NOVA1: variants seen among roughly 807,000 people sequenced by gnomAD.
NOVA1 encodes the protein NOVA alternative splicing regulator 1.
NOVA1 carries 7 observed loss-of-function variants against 38.0 expected under a neutral mutation model. The ratio of observed to expected loss-of-function variants is 0.18; its 90% CI spans 0.10 to 0.35. NOVA1 has a LOEUF of 0.35. Among genes scored for constraint, NOVA1 ranks in the 10% least tolerant of loss-of-function variants. NOVA1 has a pLI of 1.00. For synonymous variants in NOVA1, 270 were observed against 232.5 expected, an observed-to-expected ratio of 1.16 and a Z score of -1.47; for missense variants, 460 against 616.0, an observed-to-expected ratio of 0.75 and a Z score of 2.68.
At chr14:26,535,739 C>T (rs562426071) in intron 2 of NOVA1, among the ~76,000 whole-genome samples, 2 of 151,736 alleles carry the variant, frequency 1.3e-5, no homozygotes, top group South Asian at 4.2e-4. Context: ...GGGCAGATCA[C>T]GAGGCCTGGA....
chr14:26,578,791 A>G (rs993317939), intron 2 of NOVA1, among the ~76,000 whole-genome samples: 1 of 152,080 alleles, frequency 6.6e-6, no homozygotes, highest in Non-Finnish European at 1.5e-5. Context: ...TCAAAACCAC[A>G]CCCTAATATT....
At chr14:26,543,362 A>G (rs1377237566) in intron 2 of NOVA1, among the ~76,000 whole-genome samples, 1 of 151,976 alleles carries the variant, frequency 6.6e-6, no homozygotes, top group African/African-American at 2.4e-5. Context: ...TTAAGCATAT[A>G]ATGTCCCAAA....
At chr14:26,587,090 G>T (rs1566561650) in intron 2 of NOVA1, among the ~76,000 whole-genome samples, 1 of 150,612 alleles carries the variant, frequency 6.6e-6, no homozygotes, top group Non-Finnish European at 1.5e-5. Context: ...AAAGCTACAG[G>T]ACAATTACTG....
At chr14:26,508,587 G>C (rs178185) in intron 2 of NOVA1, among the ~76,000 whole-genome samples, 140,317 of 151,954 alleles carry the variant, frequency 0.92, 65,625 homozygotes, top group East Asian at 1. Context: ...CCATTTATCC[G>C]CATACACTTA....
At chr14:26,545,857 T>G (rs570259218) in intron 2 of NOVA1, among the ~76,000 whole-genome samples, 1 of 152,064 alleles carries the variant, frequency 6.6e-6, no homozygotes, top group Non-Finnish European at 1.5e-5. Context: ...ACAAGACATA[T>G]AGAAATTTCA....
At position 26,480,062 on chromosome 14, in the gene NOVA1, C is replaced by T. The variant is rs1042740142; in HGVS notation, c.362G>A (p.Arg121Gln). 5.6e-6 allele frequency: 9 copies of T among 1,613,816 alleles called. No individual in the cohort carries two copies. In the African/African-American group the frequency reaches 6.7e-5, roughly 12 times the overall value. ...CTTGGCCACATTTTGGGGCATTTCT[C>T]GAATTTTTTCTGCAATGAATCCATG... Reference protein sequence around the residue: ...AVHGFIAEKIREMPQNVAKTE... With the variant: ...AVHGFIAEKIQEMPQNVAKTE... Residue 121 changes from arginine to glutamine, a missense_variant, in exon 3 of 5, where the codon CGA becomes CAA. By Grantham distance (43) the Arg-to-Gln change is conservative. Coordinates refer to ENST00000539517, the MANE Select transcript of NOVA1 (RefSeq NM_002515.3).
rs1216571122 is a variant in NOVA1 at position 26,448,150 on chromosome 14, C to T, written c.1333G>A (p.Val445Met). Residue 445 changes from valine to methionine, a missense_variant, in exon 5 of 5, where the codon GTG becomes ATG. Val to Met is a conservative substitution (Grantham distance 21). Coordinates refer to ENST00000539517, the MANE Select transcript of NOVA1 (RefSeq NM_002515.3). This position sits in a 1 kb window ranked among gnomAD's most constrained non-coding sequence, Gnocchi z 5.3. The stretch of plus-strand genomic sequence containing the variant: ...GCACCAGTCAACTCCTGGTATTCCA[C>T]TAATGTTTTCCCTCCTTTGCCAAGT... ...AILGKGGKTL[V>M]EYQELTGARI... The T allele has an allele frequency of 6.2e-7, 1 of 1,614,074 alleles. No homozygotes were observed. The highest frequency in any genetic ancestry group is 8.5e-7 in the Non-Finnish European group (1 of 1,180,028).
In NOVA1 at chr14:26,443,267, C is replaced by G. The variant is rs973620015; in HGVS notation, c.*4692G>C. The G allele has an allele frequency of 6.6e-6, 1 of 151,844 alleles. No individual in the cohort carries two copies. The highest frequency in any genetic ancestry group is 1.5e-5 in the Non-Finnish European group (1 of 67,890). 9.4% of individuals were successfully genotyped at this position (151,844 alleles called of 1,614,324 possible). A position where few individuals can be genotyped will look rare whatever the true frequency, so the allele number is the denominator to read the frequency against. ...TACCACTTTGTAATGAGACAATTGC[C>G]TTTCCATTGCAATTATAAAAAACTA... is the stretch of plus-strand genomic sequence containing the variant. On this transcript the variant is annotated 3_prime_UTR_variant, in exon 5 of 5. Coordinates refer to ENST00000539517, the MANE Select transcript of NOVA1 (RefSeq NM_002515.3).
chr14:26,489,489 G>A (rs953061866), intron 2 of NOVA1, among the ~76,000 whole-genome samples: 6 of 151,488 alleles, frequency 4.0e-5, no homozygotes, highest in African/African-American at 1.2e-4. Context: ...AAGCGTATAT[G>A]TAATCTATTA....
intron 3 of NOVA1, chr14:26,479,268 G>A (rs188213201): frequency 2.8e-4 from 43 of 152,054 alleles, no homozygotes; most frequent in African/African-American, 9.9e-4. Flanking sequence ...GTTTACGGTG[G>A]AAGAATCCAC....
intron 2 of NOVA1, among the ~76,000 whole-genome samples, chr14:26,548,154 C>A (rs528293700): frequency 7.9e-5 from 12 of 152,098 alleles, no homozygotes; most frequent in Non-Finnish European, 1.6e-4. Context: ...TATCACTCAG[C>A]ATTTAATTAA....
At chr14:26,468,154 G>C (rs1412339409) in intron 4 of NOVA1, among the ~76,000 whole-genome samples, 1 of 152,150 alleles carries the variant, frequency 6.6e-6, no homozygotes. Flanking sequence ...ACAATGTGGA[G>C]AGATTCTCCT....
intron 2 of NOVA1, among the ~76,000 whole-genome samples, chr14:26,530,218 A>G (rs1889608196): frequency 6.6e-6 from 1 of 152,074 alleles, no homozygotes; most frequent in African/African-American, 2.4e-5. Context: ...CGCCCAGCCT[A>G]AAAGTGACTC....
At chr14:26,563,681 C>T (rs920168901) in intron 2 of NOVA1, among the ~76,000 whole-genome samples, 1 of 151,824 alleles carries the variant, frequency 6.6e-6, no homozygotes, top group Non-Finnish European at 1.5e-5. Flanking sequence ...ACTATGCAAG[C>T]TTCTATGACT....
At chr14:26,503,016 G>C (rs567353246) in intron 2 of NOVA1, among the ~76,000 whole-genome samples, 35 of 151,808 alleles carry the variant, frequency 2.3e-4, no homozygotes, top group Admixed American at 4.6e-4. Context: ...TTTTCCTTTA[G>C]TCTCCTACCA....
rs1021272048 is a variant in NOVA1, at chr14:26,446,406, T to C, written c.*1553A>G. ...GAGCATCACACTCATTGTTCTTTAA[T>C]TGGTTGCACAGAAAGGAGCAGCTGG... On this transcript the variant is annotated 3_prime_UTR_variant, in exon 5 of 5. Transcript: ENST00000539517. 7 of 152,684 alleles carry C rather than the reference T, an allele frequency of 4.6e-5. No individual in the cohort carries two copies. The highest frequency in any genetic ancestry group is 7.2e-5 in the African/African-American group (3 of 41,460). The allele number at this position is 152,684 out of a possible 1,614,324, so 9.5% of individuals were successfully genotyped here. A position where few individuals can be genotyped will look rare whatever the true frequency, so the allele number is the denominator to read the frequency against.
At chr14:26,596,944 C>A (rs1894229047) in intron 1 of NOVA1, 1 of 1,206,248 alleles carries the variant, frequency 8.3e-7, no homozygotes, top group Non-Finnish European at 1.0e-6. Flanking sequence ...GCGGCCATCA[C>A]CTCACTCCGG....
At chr14:26,575,461 G>A (rs1892782497) in intron 2 of NOVA1, among the ~76,000 whole-genome samples, 4 of 152,010 alleles carry the variant, frequency 2.6e-5, no homozygotes, top group Admixed American at 6.6e-5. Flanking sequence ...TAATAACCAC[G>A]AAAAATAAAA....
At chr14:26,496,408 C>A (rs540076528) in intron 2 of NOVA1, among the ~76,000 whole-genome samples, 18 of 152,070 alleles carry the variant, frequency 1.2e-4, no homozygotes, top group East Asian at 3.9e-4. Flanking sequence ...TTGTCAGATG[C>A]GTAGGTTGCA....
Sources: allele counts gnomAD v4.1 joint callset (sites outside exome capture counted in the v4.1 genomes callset), GRCh38; gene constraint gnomAD v4.1.1; non-coding constraint Gnocchi (gnomAD v3.1); transcripts MANE v1.5; gene names NCBI Gene and HGNC (gene_info 2026-07-23, HGNC 2026-07-21).